LINGO2: variants seen among roughly 807,000 people sequenced by gnomAD.
LINGO2 encodes the protein leucine-rich repeat and immunoglobulin-like domain-containing nogo receptor-interacting protein 2.
A neutral mutation model predicts 30.6 loss-of-function variants in LINGO2; 14 were observed. That is an observed-to-expected ratio of 0.46 (90% confidence interval 0.30 to 0.72). The LOEUF (loss-of-function observed/expected upper bound fraction) is 0.72. LINGO2 is among the 30% of genes least tolerant of loss of function. The pLI is 0.07. For synonymous variants in LINGO2, 317 were observed against 288.5 expected (o/e 1.10, Z -1.00); for missense variants, 729 against 751.7 (o/e 0.97, Z 0.35).
chr9:28,338,541 G>A (rs984939694), intron 3 of LINGO2, among the ~76,000 whole-genome samples: 1 of 152,018 alleles, frequency 6.6e-6, no homozygotes, highest in Non-Finnish European at 1.5e-5. Flanking sequence ...ATGTGGTCTG[G>A]CTGTGTCTCC....
At chr9:28,419,450 T>C (rs1249444676) in intron 2 of LINGO2, among the ~76,000 whole-genome samples, 1 of 152,140 alleles carries the variant, frequency 6.6e-6, no homozygotes, top group African/African-American at 2.4e-5. Context: ...GGTTATTTGC[T>C]TAATGTAAGC....
chr9:29,152,256 T>C, the LINGO2 span, among the ~76,000 whole-genome samples: 1 of 152,156 alleles, frequency 6.6e-6, no homozygotes, highest in Non-Finnish European at 1.5e-5. Context: ...ATTTAGCAAC[T>C]TTTCAAAGAT....
chr9:28,730,466 G>T, the LINGO2 span, among the ~76,000 whole-genome samples: 1 of 152,176 alleles, frequency 6.6e-6, no homozygotes, highest in African/African-American at 2.4e-5. Context: ...TTAACTAAAT[G>T]TTTGTGGAAT....
chr9:28,052,594 G>GT (rs1358673173), intron 4 of LINGO2, among the ~76,000 whole-genome samples: 2 of 152,072 alleles, frequency 1.3e-5, no homozygotes, highest in African/African-American at 4.8e-5. Context: ...TGGTTTCATG[G>GT]TACGCATCTC....
the LINGO2 span, among the ~76,000 whole-genome samples, chr9:28,881,883 T>C: frequency 6.6e-6 from 1 of 152,230 alleles, no homozygotes; most frequent in Non-Finnish European, 1.5e-5. Context: ...TAGCTTCCGC[T>C]TATAAGCGAG....
the LINGO2 span, among the ~76,000 whole-genome samples, chr9:28,735,332 T>C: frequency 1.8e-4 from 28 of 152,176 alleles, no homozygotes; most frequent in African/African-American, 6.5e-4. Context: ...TATATTAACA[T>C]TTATGAATCA....
intron 4 of LINGO2, among the ~76,000 whole-genome samples, chr9:28,053,011 ATAGG>A (rs1824747940): frequency 6.6e-6 from 1 of 152,110 alleles, no homozygotes; most frequent in Admixed American, 6.6e-5. Context: ...GGTGACCAAT[ATAGG>A]TATGTTTTCT....
At chr9:28,128,750 C>G (rs1305741212) in intron 4 of LINGO2, among the ~76,000 whole-genome samples, 2 of 152,174 alleles carry the variant, frequency 1.3e-5, no homozygotes, top group African/African-American at 4.8e-5. Context: ...AAACAGATAA[C>G]AGAGCTGCCT....
At chr9:28,283,606 A>C (rs2134136587) in intron 4 of LINGO2, among the ~76,000 whole-genome samples, 1 of 152,306 alleles carries the variant, frequency 6.6e-6, no homozygotes, top group African/African-American at 2.4e-5. Context: ...ACAGATTTCA[A>C]AAAGAGGATA....
intron 5 of LINGO2, among the ~76,000 whole-genome samples, chr9:28,007,241 G>A (rs10968272): frequency 0.063 from 9,649 of 152,138 alleles, 365 homozygotes; most frequent in Non-Finnish European, 0.087. Flanking sequence ...CATCGTCCAC[G>A]TTAGGAAGTG....
At chr9:28,438,986 GATA>G (rs1393585691) in intron 2 of LINGO2, among the ~76,000 whole-genome samples, 4 of 145,212 alleles carry the variant, frequency 2.8e-5, no homozygotes, top group Admixed American at 7.0e-5. Context: ...ATGAAATATA[GATA>G]ATATCTATAC....
intron 2 of LINGO2, among the ~76,000 whole-genome samples, chr9:28,404,904 G>GTGTGTT (rs1170545157): frequency 8.7e-6 from 1 of 114,418 alleles, no homozygotes; most frequent in Admixed American, 1.0e-4. Context: ...GCCGCTTTGT[G>GTGTGTT]TGTGTGTGTG....
the LINGO2 span, among the ~76,000 whole-genome samples, chr9:28,876,269 C>T: frequency 0.043 from 6,508 of 151,890 alleles, 209 homozygotes; most frequent in Admixed American, 0.084. Context: ...TTTTATTATA[C>T]TTTAAGTTTT....
At chr9:28,900,846 G>A in the LINGO2 span, among the ~76,000 whole-genome samples, 8 of 152,110 alleles carry the variant, frequency 5.3e-5, no homozygotes, top group South Asian at 4.1e-4. Context: ...TTTATTAACC[G>A]CCTAGCAAAA....
chr9:29,193,066 C>T, the LINGO2 span, among the ~76,000 whole-genome samples: 1 of 152,144 alleles, frequency 6.6e-6, no homozygotes, highest in Non-Finnish European at 1.5e-5. Context: ...ATGTTAACAA[C>T]AACCTCACCT....
chr9:28,379,573 G>C (rs1382176173), intron 2 of LINGO2, among the ~76,000 whole-genome samples: 2 of 152,066 alleles, frequency 1.3e-5, no homozygotes, highest in Non-Finnish European at 1.5e-5. Context: ...ATACAGAATG[G>C]TTTAGGCAAG....
the LINGO2 span, among the ~76,000 whole-genome samples, chr9:28,881,417 C>A: frequency 6.6e-6 from 1 of 152,076 alleles, no homozygotes; most frequent in African/African-American, 2.4e-5. Flanking sequence ...AGCCACCATG[C>A]CGGTCAGAAT....
the LINGO2 span, among the ~76,000 whole-genome samples, chr9:28,839,473 A>G: frequency 6.6e-6 from 1 of 152,084 alleles, no homozygotes; most frequent in South Asian, 2.1e-4. Context: ...CCCATCAAGT[A>G]TGCAGCTCTC....
intron 2 of LINGO2, among the ~76,000 whole-genome samples, chr9:28,418,631 T>G (rs375126752): frequency 6.6e-6 from 1 of 152,018 alleles, no homozygotes. Flanking sequence ...ATCTGTAAAA[T>G]GGATAAGATT....
Sources: allele counts gnomAD v4.1 joint callset (sites outside exome capture counted in the v4.1 genomes callset), GRCh38; gene constraint gnomAD v4.1.1; transcripts MANE v1.5; gene names NCBI Gene and HGNC (gene_info 2026-07-23, HGNC 2026-07-21).